The following NCOA2 variants were observed in gnomAD, a reference collection of about 807,000 sequenced individuals.
NCOA2 encodes the protein class E basic helix-loop-helix protein 75.
Under a neutral mutation model 145.1 loss-of-function variants are expected in NCOA2, and 21 were observed. That is an observed-to-expected ratio of 0.14 (90% CI 0.10 to 0.21). The LOEUF is 0.21. Ranked by LOEUF, NCOA2 falls within the 10% of genes least tolerant of loss-of-function variation. The probability of loss-of-function intolerance (pLI) is 1.00; values close to 1 mark genes in which losing one functional copy is unlikely to be tolerated. For missense variants in NCOA2, 1,472 were observed against 1,837.6 expected (o/e 0.80, Z 3.64); for synonymous variants, 619 against 637.5 (o/e 0.97, Z 0.44).
intron 16 of NCOA2, 83 bp downstream of exon 16, chr8:70,131,754 C>G: frequency 7.2e-7 from 1 of 1,380,930 alleles, no homozygotes; most frequent in Non-Finnish European, 9.7e-7. Context: ...AAAAGCAGAC[C>G]GTGGAGTACC....
chr8:70,424,403 G>T, the NCOA2 span: 1 of 414,754 alleles, frequency 2.4e-6, no homozygotes, highest in South Asian at 2.0e-5. Flanking sequence ...CTCATCCTCA[G>T]AGAGTCCTGT....
At chr8:70,171,692 C>A (rs910692001) in intron 5 of NCOA2, among the ~76,000 whole-genome samples, 1 of 152,196 alleles carries the variant, frequency 6.6e-6, no homozygotes, top group Non-Finnish European at 1.5e-5. Context: ...GAGACAAGGT[C>A]TTGCTCTCCG....
At chr8:70,323,261 C>T (rs1274554374) in intron 1 of NCOA2, among the ~76,000 whole-genome samples, 2 of 152,048 alleles carry the variant, frequency 1.3e-5, no homozygotes, top group South Asian at 2.1e-4. Context: ...CTAGAGGAAA[C>T]AAACTAAAAG....
chr8:70,246,290 T>C (rs1189511305), intron 2 of NCOA2, among the ~76,000 whole-genome samples: 4 of 152,130 alleles, frequency 2.6e-5, no homozygotes, highest in Non-Finnish European at 5.9e-5. Context: ...AAAATTGTTC[T>C]TAATCCATGA....
intron 1 of NCOA2, among the ~76,000 whole-genome samples, chr8:70,336,700 AG>A (rs1386032045): frequency 6.6e-6 from 1 of 152,118 alleles, no homozygotes. Flanking sequence ...AAGAACTACA[AG>A]GGGGAAATCC....
chr8:70,445,211 A>G, the NCOA2 span, among the ~76,000 whole-genome samples: 1 of 152,128 alleles, frequency 6.6e-6, no homozygotes, highest in Non-Finnish European at 1.5e-5. Context: ...AAAGCTCAAA[A>G]CCTGCCTTAT....
rs1807988539 is a variant in NCOA2 at position 70,340,105 on chromosome 8, T to C, written c.-76-43305A>G. Among the ~76,000 whole-genome samples the C allele has an allele frequency of 2.0e-5, 3 of 152,160 alleles. No homozygotes were observed. In the South Asian group the frequency reaches 6.2e-4, roughly 32 times the overall value. On this transcript the variant is annotated intron_variant, in intron 1 of 22. Coordinates refer to ENST00000452400, the MANE Select transcript of NCOA2 (RefSeq NM_006540.4). ...ATTGACAAATGGGATCTAATTAAAC[T>C]AAAAAGCTTCTGCACAGAAAAAGAA...
chr8:70,249,924 T>C (rs1338673172), intron 2 of NCOA2, among the ~76,000 whole-genome samples: 2 of 127,620 alleles, frequency 1.6e-5, no homozygotes, highest in African/African-American at 3.0e-5. Flanking sequence ...GATCAGAACA[T>C]TGCACTCCAG....
intron 1 of NCOA2, among the ~76,000 whole-genome samples, chr8:70,298,174 C>T (rs1248006287): frequency 6.6e-6 from 1 of 152,158 alleles, no homozygotes; most frequent in Non-Finnish European, 1.5e-5. Context: ...GAGCCCTTTA[C>T]TCGTTAAAAC....
At chr8:70,352,681 A>G (rs1189449030) in intron 1 of NCOA2, among the ~76,000 whole-genome samples, 3 of 152,246 alleles carry the variant, frequency 2.0e-5, no homozygotes, top group Non-Finnish European at 4.4e-5. Context: ...ACCAATACAT[A>G]CAACAACTGC....
intron 1 of NCOA2, among the ~76,000 whole-genome samples, chr8:70,392,467 G>A (rs769992049): frequency 3.9e-5 from 6 of 152,178 alleles, no homozygotes; most frequent in African/African-American, 1.4e-4. Flanking sequence ...TGGGAAGAAC[G>A]TTGAGAACAT....
chr8:70,393,063 C>T (rs1813346364), intron 1 of NCOA2, among the ~76,000 whole-genome samples: 1 of 152,148 alleles, frequency 6.6e-6, no homozygotes, highest in Non-Finnish European at 1.5e-5. Context: ...TCACTCCTTC[C>T]AAGGGCCCTA....
rs545414551 is a variant in NCOA2 at position 70,149,531 on chromosome 8, G to A, written c.2395-1048C>T. On this transcript the variant is annotated intron_variant, in intron 11 of 22. Coordinates refer to ENST00000452400, the MANE Select transcript of NCOA2 (RefSeq NM_006540.4). ...GCTGGGATTACAGGAGAGAGCCACC[G>A]TGCCTGTCTACAGAAGCCATAAAAA... Among the ~76,000 whole-genome samples, 19 of 150,088 alleles carry A rather than the reference G, an allele frequency of 1.3e-4. No homozygotes were observed. In the East Asian group the frequency reaches 3.3e-3, roughly 26 times the overall value.
intron 11 of NCOA2, among the ~76,000 whole-genome samples, chr8:70,149,813 G>T (rs1301574455): frequency 6.6e-6 from 1 of 152,174 alleles, no homozygotes; most frequent in Non-Finnish European, 1.5e-5. Flanking sequence ...AGTGGAAAAC[G>T]TAAGTTAGTT....
At chr8:70,307,596 T>C (rs1267904282) in intron 1 of NCOA2, among the ~76,000 whole-genome samples, 2 of 152,248 alleles carry the variant, frequency 1.3e-5, no homozygotes, top group Admixed American at 1.3e-4. Flanking sequence ...TTTCAGGACT[T>C]CCATTTGTGC....
chr8:70,214,197 A>G (rs1819347817), intron 3 of NCOA2, 122 bp from the exon 4 acceptor site: 1 of 941,114 alleles, frequency 1.1e-6, no homozygotes, highest in Non-Finnish European at 1.6e-6. Context: ...AAACACAGAA[A>G]TACTTTTGGG....
intron 4 of NCOA2, among the ~76,000 whole-genome samples, chr8:70,188,706 G>C (rs982335554): frequency 6.6e-6 from 1 of 152,052 alleles, no homozygotes; most frequent in African/African-American, 2.4e-5. Context: ...ACTTCATAAG[G>C]CTAAGTCAAA....
At position 70,121,299 on chromosome 8, in the gene NCOA2, T is replaced by C. The variant is rs1807776687; in HGVS notation, c.4383+3A>G. 3 of 1,610,858 alleles carry C rather than the reference T, an allele frequency of 1.9e-6. No individual in the cohort carries two copies. The highest frequency in any genetic ancestry group is 2.5e-6 in the Non-Finnish European group (3 of 1,178,088). ...ATTCATATATTTCACTGTTCTTTCT[T>C]ACCCGTGTTGTGTCTCCCTCCTGCT... On this transcript the variant is annotated splice_donor_region_variant and intron_variant, in intron 22 of 22. Transcript: ENST00000452400.
the NCOA2 span, among the ~76,000 whole-genome samples, chr8:70,444,570 G>A: frequency 1.7e-3 from 259 of 152,232 alleles, 1 homozygote; most frequent in African/African-American, 6.2e-3. Flanking sequence ...TGAATTTTCT[G>A]GTGGTGATAT....
Sources: allele counts gnomAD v4.1 joint callset (sites outside exome capture counted in the v4.1 genomes callset), GRCh38; gene constraint gnomAD v4.1.1; transcripts MANE v1.5; gene names NCBI Gene and HGNC (gene_info 2026-07-23, HGNC 2026-07-21).